SARDH: variants seen among roughly 807,000 people sequenced by gnomAD.
The protein encoded by SARDH is sarcosine dehydrogenase, mitochondrial.
SARDH carries 95 observed loss-of-function variants against 109.1 expected under a neutral mutation model. The ratio of observed to expected loss-of-function variants is 0.87; its 90% CI spans 0.74 to 1.03. The LOEUF (loss-of-function observed/expected upper bound fraction) is 1.03. Ranked by LOEUF, SARDH falls within the 50% of genes least tolerant of loss-of-function variation. SARDH has a pLI of 0.00. For missense variants in SARDH, 1,267 were observed against 1,287.8 expected (o/e 0.98, Z 0.25); for synonymous variants, 572 against 534.8 (o/e 1.07, Z -0.96).
intron 8 of SARDH, among the ~76,000 whole-genome samples, chr9:133,713,826 T>C (rs955516644): frequency 3.3e-5 from 5 of 152,176 alleles, no homozygotes; most frequent in African/African-American, 4.8e-5. Context: ...CGTCCTAGTC[T>C]ATAAAACTGG....
Position 133,703,407 on chromosome 9 carries a change from G to A in SARDH, c.1555-378C>T, listed in dbSNP as rs1278764753. 1.1e-4 allele frequency: 31 copies of A among 286,396 alleles called. No individual in the cohort carries two copies. In the Admixed American group the frequency reaches 1.2e-3, roughly 11 times the overall value. The allele number at this position is 286,396 out of a possible 1,614,324, so 17.7% of individuals were successfully genotyped here. On this transcript the variant is annotated intron_variant, in intron 12 of 20. Coordinates refer to ENST00000439388, the MANE Select transcript of SARDH (RefSeq NM_001134707.2). ...GCTCCTGCTCTGGGCCAGCCCCTGC[G>A]GGAAGCGTCTTACACTCCTACCAGG...
At chr9:133,705,345 A>C (rs1236064127) in intron 11 of SARDH, among the ~76,000 whole-genome samples, 1 of 20,222 alleles carries the variant, frequency 4.9e-5, no homozygotes, top group Non-Finnish European at 1.2e-4. Flanking sequence ...ATCTGCCCTC[A>C]CCCTGAGAAC....
At chr9:133,699,068 C>T (rs1588419024) in intron 13 of SARDH, among the ~76,000 whole-genome samples, 2 of 152,192 alleles carry the variant, frequency 1.3e-5, no homozygotes. Context: ...AAAAGACAGT[C>T]GGCTGCGGTG....
At chr9:133,667,407 C>G (rs1588368482) in intron 19 of SARDH, among the ~76,000 whole-genome samples, 1 of 152,148 alleles carries the variant, frequency 6.6e-6, no homozygotes, top group South Asian at 2.1e-4. Context: ...CTCAAGTGAT[C>G]TGCCCACCTC....
intron 2 of SARDH, among the ~76,000 whole-genome samples, 169 bp from the exon 3 acceptor site, chr9:133,732,770 G>A (rs1832734319): frequency 6.6e-6 from 1 of 152,176 alleles, no homozygotes; most frequent in African/African-American, 2.4e-5. Flanking sequence ...GAAAATAACT[G>A]GACCAAGATG....
chr9:133,660,062 A>ACCTCACCCCCC, downstream of SARDH, among the ~76,000 whole-genome samples: 1 of 44,710 alleles, frequency 2.2e-5, no homozygotes, highest in Non-Finnish European at 4.8e-5. Context: ...CCCCACCCCC[A>ACCTCACCCCCC]CCTCACCCCC....
chr9:133,703,075 C>T (rs567693847), intron 12 of SARDH, 46 bp from the exon 13 acceptor site: 33 of 1,524,306 alleles, frequency 2.2e-5, no homozygotes, highest in Non-Finnish European at 2.9e-5. Context: ...TTGGCCCCTC[C>T]CCGCTTCCCT....
intron 1 of SARDH, among the ~76,000 whole-genome samples, chr9:133,735,041 G>A (rs1358853313): frequency 6.6e-6 from 1 of 152,162 alleles, no homozygotes; most frequent in Admixed American, 6.5e-5. Context: ...TGCGCTCCCA[G>A]ACAGAGAGCC....
At chr9:133,694,610 C>G (rs115905130) in intron 14 of SARDH, among the ~76,000 whole-genome samples, 3 of 152,208 alleles carry the variant, frequency 2.0e-5, no homozygotes, top group Non-Finnish European at 4.4e-5. Context: ...GTCACCCTTG[C>G]GGGAAGGAAG....
At position 133,704,358 on chromosome 9, in the gene SARDH, C is replaced by T. The variant is rs372286997; in HGVS notation, c.1554+590G>A. ...TACCCCTCAGCTGGCCTTAAGGCCT[C>T]GCGTCCCCTGCTCCCGAGGGTCTGG... is the stretch of plus-strand genomic sequence containing the variant. On this transcript the variant is annotated intron_variant, in intron 12 of 20. Coordinates refer to ENST00000439388, the MANE Select transcript of SARDH (RefSeq NM_001134707.2). The surrounding 1 kb of genome is among the most constrained non-coding windows in gnomAD (Gnocchi z 4.5). 5.3e-5 allele frequency among the ~76,000 whole-genome samples: 8 copies of T among 152,128 alleles called. No homozygotes were observed. Among genetic ancestry groups the T allele is most frequent in the African/African-American group, 1.7e-4 (7 of 41,392 alleles).
At chr9:133,732,067 A>AAGTC (rs1174747555) in intron 3 of SARDH, among the ~76,000 whole-genome samples, 1 of 152,168 alleles carries the variant, frequency 6.6e-6, no homozygotes, top group East Asian at 1.9e-4. Flanking sequence ...AAGCCTGGCA[A>AAGTC]AGTCGCTTTC....
chr9:133,720,988 A>G lies in SARDH; in HGVS notation c.916-1946T>C, dbSNP rs118104561. Among the ~76,000 whole-genome samples, 7 of 152,350 alleles carry G rather than the reference A, an allele frequency of 4.6e-5. No homozygotes were observed. The East Asian group carries it at 1.3e-3, about 29-fold the overall frequency. ...GCGATTAGGCTAAAAGAAAAAGACA[A>G]CAAAACAGAAATCAGGAGTGGAAAA... is the stretch of plus-strand genomic sequence containing the variant. On this transcript the variant is annotated intron_variant, in intron 6 of 20. Coordinates refer to ENST00000439388, the MANE Select transcript of SARDH (RefSeq NM_001134707.2).
chr9:133,672,543 G>A (rs1830386290), intron 17 of SARDH, among the ~76,000 whole-genome samples: 1 of 152,204 alleles, frequency 6.6e-6, no homozygotes, highest in South Asian at 2.1e-4. Flanking sequence ...CCAGCTCAGG[G>A]GACACCACCC....
At chr9:133,730,721 T>G (rs891012858) in intron 4 of SARDH, among the ~76,000 whole-genome samples, 2 of 152,120 alleles carry the variant, frequency 1.3e-5, no homozygotes, top group Non-Finnish European at 2.9e-5. Context: ...TTTACGCCTG[T>G]AATCCCAGGA....
rs773133899 is a variant in SARDH, at chr9:133,663,643, G to A, written c.*246C>T. 4.1e-5 allele frequency: 22 copies of A among 539,522 alleles called. No homozygotes were observed. The highest frequency in any genetic ancestry group is 7.2e-5 in the Non-Finnish European group (22 of 304,208). The allele number at this position is 539,522 out of a possible 1,614,324, so 33.4% of individuals were successfully genotyped here. On this transcript the variant is annotated 3_prime_UTR_variant, in exon 21 of 21. Transcript: ENST00000439388. ...TACAAGCCATGGTCCCTGAGCCCAA[G>A]ACACTTACAGGTTTGCTTTCTGGGA...
chr9:133,730,617 A>G lies in SARDH; in HGVS notation c.691-430T>C, dbSNP rs566921126. 2.4e-4 allele frequency among the ~76,000 whole-genome samples: 34 copies of G among 142,084 alleles called. 1 individual carries two copies. The highest frequency in any genetic ancestry group is 6.8e-4 in the South Asian group (3 of 4,422). 93.2% of individuals were successfully genotyped at this position (142,084 alleles called of 152,430 possible). ...TAGAAAAATATTTGGAGTAAAACATACTAAAATGTCAATACTAGTTACTGC... is the reference window on the plus strand; with the variant it reads ...TAGAAAAATATTTGGAGTAAAACATGCTAAAATGTCAATACTAGTTACTGC... On this transcript the variant is annotated intron_variant, in intron 4 of 20. Transcript: ENST00000439388.
At chr9:133,685,043 G>T (rs1830833800) in intron 17 of SARDH, 150 bp downstream of exon 17, 1 of 629,172 alleles carries the variant, frequency 1.6e-6, no homozygotes, top group East Asian at 2.8e-5. Flanking sequence ...AGGGCCGCCT[G>T]GTCCCACTGT....
intron 6 of SARDH, among the ~76,000 whole-genome samples, chr9:133,719,403 C>T (rs773628528): frequency 1.8e-4 from 28 of 152,140 alleles, no homozygotes; most frequent in Non-Finnish European, 3.4e-4. Flanking sequence ...CCAACCAACC[C>T]TGGAGGACGC....
Position 133,732,572 on chromosome 9 carries a change from C to T in SARDH, c.361G>A (p.Val121Met), listed in dbSNP as rs773147099. ...GLLWQLRPSDVEVELLAHTRR... is the reference protein window; with the variant it reads ...GLLWQLRPSDMEVELLAHTRR... Reference sequence around the variant, plus strand: ...GTGTGGGCCAGAAGCTCCACCTCCACGTCACTGGGCCGCAGCTGCCACAGC... The same window carrying T: ...GTGTGGGCCAGAAGCTCCACCTCCATGTCACTGGGCCGCAGCTGCCACAGC... Residue 121 changes from valine to methionine, a missense_variant, in exon 3 of 21, where the codon GTG becomes ATG. By Grantham distance (21) the Val-to-Met change is conservative. Coordinates refer to ENST00000439388, the MANE Select transcript of SARDH (RefSeq NM_001134707.2). 2.5e-6 allele frequency: 4 copies of T among 1,611,750 alleles called. No homozygotes were observed. The highest frequency in any genetic ancestry group is 2.2e-5 in the East Asian group (1 of 44,838).
Sources: allele counts gnomAD v4.1 joint callset (sites outside exome capture counted in the v4.1 genomes callset), GRCh38; gene constraint gnomAD v4.1.1; non-coding constraint Gnocchi (gnomAD v3.1); transcripts MANE v1.5; gene names NCBI Gene and HGNC (gene_info 2026-07-23, HGNC 2026-07-21).